Variants in SLIT2 observed in about 807,000 individuals in gnomAD.
SLIT2 encodes slit guidance ligand 2.
SLIT2 carries 41 observed loss-of-function variants against 185.7 expected under a neutral mutation model. That is an observed-to-expected ratio of 0.22 (90% CI 0.17 to 0.29). The LOEUF (loss-of-function observed/expected upper bound fraction) is 0.29, where lower values mean the gene tolerates loss of function less well. Ranked by LOEUF, SLIT2 falls within the 10% of genes least tolerant of loss-of-function variation. SLIT2 has a pLI of 1.00. For missense variants in SLIT2, 1,571 were observed against 1,909.0 expected, an observed-to-expected ratio of 0.82 and a Z score of 3.30; for synonymous variants, 693 against 680.2, an observed-to-expected ratio of 1.02 and a Z score of -0.29.
At chr4:20,302,852 TTTGTATCTGA>T (rs1412963329) in intron 4 of SLIT2, among the ~76,000 whole-genome samples, 3 of 152,192 alleles carry the variant, frequency 2.0e-5, no homozygotes, top group African/African-American at 7.2e-5. Context: ...TACACAGTTG[TTTGTATCTGA>T]TTGTATATGA....
chr4:20,525,316 C>A, intron 15 of SLIT2, 144 bp downstream of exon 15: 1 of 587,752 alleles, frequency 1.7e-6, no homozygotes, highest in South Asian at 2.8e-5. Context: ...TCACTTGTAG[C>A]TGTTTCCTGA....
At chr4:20,617,719 G>T in intron 36 of SLIT2, 69 bp downstream of exon 36, 21 of 701,146 alleles carry the variant, frequency 3.0e-5, no homozygotes, top group Non-Finnish European at 3.8e-5. Flanking sequence ...TTTGAAAAGA[G>T]AGGGAGAAAA....
intron 26 of SLIT2, 22 bp downstream of exon 26, chr4:20,553,990 A>G (rs1344297930): frequency 6.5e-7 from 1 of 1,547,498 alleles, no homozygotes; most frequent in Non-Finnish European, 8.7e-7. Context: ...AATCATTTGT[A>G]TTTCTTTTAA....
At chr4:20,402,037 A>T (rs1436029958) in intron 4 of SLIT2, among the ~76,000 whole-genome samples, 1 of 151,756 alleles carries the variant, frequency 6.6e-6, no homozygotes, top group Admixed American at 6.6e-5. Context: ...TAGGGGAAAG[A>T]GGGATAGTGG....
At chr4:20,265,851 A>G (rs1712985268) in intron 3 of SLIT2, among the ~76,000 whole-genome samples, 1 of 151,914 alleles carries the variant, frequency 6.6e-6, no homozygotes, top group South Asian at 2.1e-4. Context: ...AAGCTTCCGC[A>G]TTATATTATT....
chr4:20,295,541 A>G (rs1408774910), intron 4 of SLIT2, among the ~76,000 whole-genome samples: 1 of 152,196 alleles, frequency 6.6e-6, no homozygotes, highest in African/African-American at 2.4e-5. Context: ...GATGACCGTC[A>G]GCTCTCTTAG....
At chr4:20,404,210 A>G (rs143779240) in intron 4 of SLIT2, among the ~76,000 whole-genome samples, 3 of 152,088 alleles carry the variant, frequency 2.0e-5, no homozygotes, top group Admixed American at 6.6e-5. Context: ...ACTAGTTTCT[A>G]TTGTGTCTTA....
intron 3 of SLIT2, among the ~76,000 whole-genome samples, chr4:20,266,075 A>G (rs902946599): frequency 2.6e-5 from 4 of 151,866 alleles, no homozygotes; most frequent in African/African-American, 9.7e-5. Flanking sequence ...AATAGTGACC[A>G]TCACCTAGTA....
intron 4 of SLIT2, among the ~76,000 whole-genome samples, chr4:20,395,632 C>G (rs891831264): frequency 2.0e-5 from 3 of 151,908 alleles, no homozygotes; most frequent in African/African-American, 7.2e-5. Context: ...ACCAAAAAAG[C>G]ATTGGGCAAA....
chr4:20,376,879 G>A (rs1029985973), intron 4 of SLIT2, among the ~76,000 whole-genome samples: 10 of 152,066 alleles, frequency 6.6e-5, no homozygotes, highest in Non-Finnish European at 8.8e-5. Flanking sequence ...GTCGTGGAGC[G>A]GGGGTTGGGA....
chr4:20,511,261 T>A, intron 11 of SLIT2, 124 bp downstream of exon 11: 1 of 571,506 alleles, frequency 1.7e-6, no homozygotes, highest in East Asian at 2.8e-5. Context: ...ATTAATAATG[T>A]TAATTATTAT....
chr4:20,466,772 C>T (rs977143115), intron 4 of SLIT2, among the ~76,000 whole-genome samples: 14 of 151,974 alleles, frequency 9.2e-5, no homozygotes, highest in South Asian at 2.1e-4. Flanking sequence ...TTAGTAGCTT[C>T]GTATTTCTTT....
Position 20,484,952 on chromosome 4 carries a change from G to A in SLIT2, c.540-1248G>A, listed in dbSNP as rs181245593. Among the ~76,000 whole-genome samples, 71 of 152,138 alleles carry A rather than the reference G, an allele frequency of 4.7e-4. 2 individuals are homozygous for A. Among genetic ancestry groups the A allele is most frequent in the East Asian group, 1.2e-3 (6 of 5,170 alleles). ...TATATTTTTGCACGTGGCCTGCTTC[G>A]CTCATTTCTGTTCTCTGCTCAGGCC... On this transcript the variant is annotated intron_variant, in intron 6 of 36. Transcript: ENST00000504154. The surrounding 1 kb of genome is among the most constrained non-coding windows in gnomAD (Gnocchi z 4.3).
At chr4:20,286,926 T>C (rs114232396) in intron 4 of SLIT2, among the ~76,000 whole-genome samples, 2,397 of 152,302 alleles carry the variant, frequency 0.016, 32 homozygotes, top group Non-Finnish European at 0.022. Flanking sequence ...CTGATAAATA[T>C]GTATCACCAT....
In SLIT2 at chr4:20,254,189, G is replaced by C. The variant is rs1722279125; in HGVS notation, c.179+195G>C. Among the ~76,000 whole-genome samples the C allele has an allele frequency of 6.6e-6, 1 of 152,058 alleles. No homozygotes were observed. Among genetic ancestry groups the C allele is most frequent in the Non-Finnish European group, 1.5e-5 (1 of 67,972 alleles). On this transcript the variant is annotated intron_variant, in intron 1 of 36. Transcript: ENST00000504154. This position sits in a 1 kb window ranked among gnomAD's most constrained non-coding sequence, Gnocchi z 5.1. The stretch of plus-strand genomic sequence containing the variant: ...CCTCTGTCCAAGGAGGGGCGGGTCC[G>C]CTGGCAGCTGCGCTAGTTCTCCCTC...
intron 29 of SLIT2, among the ~76,000 whole-genome samples, chr4:20,574,614 C>T (rs2148924859): frequency 6.6e-6 from 1 of 152,142 alleles, no homozygotes; most frequent in Non-Finnish European, 1.5e-5. Flanking sequence ...TGGTGAAACC[C>T]TGTCTCTACT....
chr4:20,366,247 A>T (rs528394729), intron 4 of SLIT2, among the ~76,000 whole-genome samples: 1 of 151,826 alleles, frequency 6.6e-6, no homozygotes, highest in Admixed American at 6.6e-5. Context: ...TATTTTGCTC[A>T]TTCTGAAACT....
intron 4 of SLIT2, among the ~76,000 whole-genome samples, chr4:20,310,353 T>C (rs1717994915): frequency 6.6e-6 from 1 of 152,170 alleles, no homozygotes; most frequent in Admixed American, 6.5e-5. Context: ...CAATTATCTT[T>C]CTCTATGCAA....
intron 34 of SLIT2, among the ~76,000 whole-genome samples, chr4:20,611,276 C>T (rs1196964083): frequency 1.3e-5 from 2 of 152,120 alleles, no homozygotes; most frequent in Non-Finnish European, 2.9e-5. Flanking sequence ...AAGCCTAGGA[C>T]ATTTCTGTTT....
Sources: gnomAD v4.1 joint callset for allele counts (sites outside exome capture counted in the v4.1 genomes callset) on GRCh38, gnomAD v4.1.1 for gene constraint, Gnocchi (gnomAD v3.1) non-coding constraint, MANE v1.5 for transcripts, NCBI Gene and HGNC (gene_info 2026-07-23, HGNC 2026-07-21) for gene names.